The following BIRC6 variants were observed in gnomAD, a reference collection of about 807,000 sequenced individuals.
BIRC6 encodes the protein dual E2 ubiquitin-conjugating enzyme/E3 ubiquitin-protein ligase BIRC6.
Under a neutral mutation model 503.3 loss-of-function variants are expected in BIRC6, and 98 were observed. The ratio of observed to expected loss-of-function variants is 0.19; its 90% CI spans 0.17 to 0.23. The LOEUF (loss-of-function observed/expected upper bound fraction) is 0.23. BIRC6 is among the 10% of genes least tolerant of loss of function. The probability of loss-of-function intolerance (pLI) is 1.00; values close to 1 mark genes in which losing one functional copy is unlikely to be tolerated. For synonymous variants in BIRC6, 2,240 were observed against 2,078.7 expected (o/e 1.08, Z -2.11); for missense variants, 5,360 against 5,806.0 (o/e 0.92, Z 2.50).
Position 32,380,304 on chromosome 2 carries a change from A to ATATT in BIRC6, c.645+14_645+15insTATT, listed in dbSNP as rs1456180243. The ATATT allele has an allele frequency of 6.3e-7, 1 of 1,581,412 alleles. No individual in the cohort carries two copies. On this transcript the variant is annotated intron_variant, in intron 3 of 73. Coordinates refer to ENST00000421745, the MANE Select transcript of BIRC6 (RefSeq NM_016252.4). ...AAAGTTGCTAAGGTAAGAAGTTAATAGATTGCCTCTTTTGGGGTTATATTA... is the reference window on the plus strand; with the variant it reads ...AAAGTTGCTAAGGTAAGAAGTTAATATATTGATTGCCTCTTTTGGGGTTATATTA...
intron 43 of BIRC6, among the ~76,000 whole-genome samples, chr2:32,490,499 C>T (rs1450499684): frequency 6.6e-6 from 1 of 152,190 alleles, no homozygotes; most frequent in Non-Finnish European, 1.5e-5. Flanking sequence ...CACGCCACTG[C>T]ACACCAGCCT....
At position 32,602,913 on chromosome 2, in the gene BIRC6, G is replaced by T. The variant is rs866245449; in HGVS notation, c.13993-93G>T. On this transcript the variant is annotated intron_variant, in intron 70 of 73. Coordinates refer to ENST00000421745, the MANE Select transcript of BIRC6 (RefSeq NM_016252.4). ...GGGACATATAAAACTGAGATATTTTGACAGGATAGCATTTTGTTTTTACTT... is the reference window on the plus strand; with the variant it reads ...GGGACATATAAAACTGAGATATTTTTACAGGATAGCATTTTGTTTTTACTT... 4.9e-6 allele frequency: 5 copies of T among 1,016,916 alleles called. No homozygotes were observed. In the Middle Eastern group the frequency reaches 9.3e-4, roughly 190 times the overall value. 63.0% of individuals were successfully genotyped at this position (1,016,916 alleles called of 1,614,324 possible).
rs769913463 is a variant in BIRC6 at position 32,448,934 on chromosome 2, G to A, written c.4618+6G>A. The A allele has an allele frequency of 1.2e-6, 2 of 1,605,322 alleles. No homozygotes were observed. The highest frequency in any genetic ancestry group is 4.5e-5 in the East Asian group (2 of 44,736). The stretch of plus-strand genomic sequence containing the variant: ...TTTATCAGATGTCCTTTCAGGTAGT[G>A]ATTTCTTTTATTAAAGGAAATTCTG... On this transcript the variant is annotated splice_donor_region_variant and intron_variant, in intron 22 of 73. Transcript: ENST00000421745.
At chr2:32,525,058 G>C in intron 58 of BIRC6, 39 bp downstream of exon 58, 2 of 1,420,840 alleles carry the variant, frequency 1.4e-6, no homozygotes, top group South Asian at 1.7e-5. Flanking sequence ...TTTTGTTTGG[G>C]TTTCTATAAA....
chr2:32,494,171 C>G (rs1206104271), intron 45 of BIRC6, among the ~76,000 whole-genome samples: 1 of 151,862 alleles, frequency 6.6e-6, no homozygotes, highest in Non-Finnish European at 1.5e-5. Flanking sequence ...TCATATATCT[C>G]TTATTAATGT....
intron 44 of BIRC6, among the ~76,000 whole-genome samples, chr2:32,491,885 A>G (rs532734399): frequency 1.3e-5 from 2 of 152,232 alleles, no homozygotes; most frequent in South Asian, 4.1e-4. Flanking sequence ...AAATTTTAAT[A>G]TGTCATATTT....
At chr2:32,376,185 CAAAAA>C (rs35262687) in intron 1 of BIRC6, among the ~76,000 whole-genome samples, 5 of 106,074 alleles carry the variant, frequency 4.7e-5, no homozygotes, top group Admixed American at 9.9e-5. Flanking sequence ...GACTCGGTCT[CAAAAA>C]AAAAAAAAAA....
intron 22 of BIRC6, among the ~76,000 whole-genome samples, chr2:32,452,807 C>T (rs764043656): frequency 5.9e-5 from 9 of 151,998 alleles, no homozygotes; most frequent in African/African-American, 2.2e-4. Flanking sequence ...ATATAGTCTT[C>T]GTGAGGACTG....
At chr2:32,500,534 C>T (rs568158313) in intron 46 of BIRC6, among the ~76,000 whole-genome samples, 1 of 151,802 alleles carries the variant, frequency 6.6e-6, no homozygotes, top group Admixed American at 6.6e-5. Context: ...ACTCCTGCCT[C>T]AGCCTACCGA....
intron 65 of BIRC6, among the ~76,000 whole-genome samples, chr2:32,572,470 C>G (rs1226054086): frequency 1.3e-5 from 2 of 152,142 alleles, no homozygotes; most frequent in Non-Finnish European, 2.9e-5. Context: ...ATTATTGAGT[C>G]ATAGAATATA....
intron 10 of BIRC6, among the ~76,000 whole-genome samples, chr2:32,418,158 A>G (rs1275796546): frequency 6.6e-6 from 1 of 152,256 alleles, no homozygotes; most frequent in East Asian, 1.9e-4. Flanking sequence ...ATTAATTTAG[A>G]AAATGAGCAG....
chr2:32,472,657 T>G (rs756993583), intron 32 of BIRC6, among the ~76,000 whole-genome samples: 16 of 152,138 alleles, frequency 1.1e-4, no homozygotes, highest in Non-Finnish European at 1.9e-4. Context: ...AAAAGGAGAG[T>G]AAGTATAGTT....
intron 42 of BIRC6, 30 bp downstream of exon 42, chr2:32,488,744 G>A (rs765868452): frequency 2.7e-5 from 35 of 1,314,402 alleles, no homozygotes; most frequent in Non-Finnish European, 3.3e-5. Flanking sequence ...AAACATTATA[G>A]TCTAAATAGC....
intron 66 of BIRC6, among the ~76,000 whole-genome samples, chr2:32,587,381 C>T (rs968189061): frequency 3.4e-5 from 5 of 148,890 alleles, no homozygotes; most frequent in African/African-American, 9.9e-5. Context: ...AACGAGACTC[C>T]GTCTCAAAAA....
chr2:32,529,338 A>T (rs2056546329), intron 59 of BIRC6: 1 of 223,228 alleles, frequency 4.5e-6, no homozygotes, highest in East Asian at 1.2e-4. Context: ...TGGCCCCCCC[A>T]GGTTAAAGTA....
At chr2:32,467,238 T>C (rs1558808656) in intron 26 of BIRC6, among the ~76,000 whole-genome samples, 2 of 152,094 alleles carry the variant, frequency 1.3e-5, no homozygotes, top group Non-Finnish European at 1.5e-5. Flanking sequence ...CTCAAGCAAT[T>C]CTCCTGTCTC....
At chr2:32,375,457 C>T (rs1267740793) in intron 1 of BIRC6, among the ~76,000 whole-genome samples, 2 of 151,872 alleles carry the variant, frequency 1.3e-5, no homozygotes, top group Non-Finnish European at 2.9e-5. Flanking sequence ...CCCTGGGCAA[C>T]GTAACGAGAC....
intron 8 of BIRC6, among the ~76,000 whole-genome samples, chr2:32,405,437 T>C (rs934288047): frequency 2.4e-4 from 37 of 152,232 alleles, no homozygotes; most frequent in African/African-American, 8.7e-4. Flanking sequence ...CCGCAAAATA[T>C]TTCAAACATT....
At chr2:32,575,078 G>A (rs1244511518) in intron 65 of BIRC6, 78 bp from the exon 66 acceptor site, 1 of 1,483,154 alleles carries the variant, frequency 6.7e-7, no homozygotes, top group African/African-American at 1.4e-5. Context: ...TAAGATCCAG[G>A]TAAAAGCTAC....
Sources: allele counts gnomAD v4.1 joint callset (sites outside exome capture counted in the v4.1 genomes callset), GRCh38; gene constraint gnomAD v4.1.1; transcripts MANE v1.5; gene names NCBI Gene and HGNC (gene_info 2026-07-23, HGNC 2026-07-21).